Variants in FGF10 observed in about 807,000 individuals in gnomAD.
The protein encoded by FGF10 is fibroblast growth factor 10.
In FGF10, 2 loss-of-function variants were observed where a neutral mutation model predicts 19.8. The observed-to-expected ratio is 0.10, with a 90% CI of 0.04 to 0.32. FGF10 has a LOEUF of 0.32. Among genes scored for constraint, FGF10 ranks in the 10% least tolerant of loss-of-function variants. The pLI is 1.00. For synonymous variants in FGF10, 112 were observed against 94.0 expected (o/e 1.19, Z -1.10); for missense variants, 191 against 246.3 (o/e 0.78, Z 1.50).
intron 1 of FGF10, among the ~76,000 whole-genome samples, chr5:44,338,813 AG>A (rs1270640332): frequency 6.6e-6 from 1 of 152,222 alleles, no homozygotes; most frequent in Non-Finnish European, 1.5e-5. Context: ...CAAAGTCAAA[AG>A]AATGAGACAT....
chr5:44,318,241 G>A (rs1740401310), intron 1 of FGF10, among the ~76,000 whole-genome samples: 1 of 152,158 alleles, frequency 6.6e-6, no homozygotes. Context: ...CGTTAGAAAA[G>A]TCCTGCACAA....
intron 1 of FGF10, among the ~76,000 whole-genome samples, chr5:44,379,973 C>A (rs531924058): frequency 6.6e-6 from 1 of 152,192 alleles, no homozygotes; most frequent in Non-Finnish European, 1.5e-5. Context: ...CTCTAAAACA[C>A]TATTTTTGTT....
At chr5:44,337,448 A>T (rs1288902438) in intron 1 of FGF10, among the ~76,000 whole-genome samples, 1 of 152,194 alleles carries the variant, frequency 6.6e-6, no homozygotes, top group Non-Finnish European at 1.5e-5. Context: ...AATTAGAAAG[A>T]TAAGTATTAA....
intron 1 of FGF10, among the ~76,000 whole-genome samples, chr5:44,360,731 A>G (rs1741461938): frequency 6.6e-6 from 1 of 151,702 alleles, no homozygotes; most frequent in Non-Finnish European, 1.5e-5. Context: ...GTCTCTTTAT[A>G]TGATGCCTGC....
intron 2 of FGF10, among the ~76,000 whole-genome samples, chr5:44,305,614 T>C (rs978832124): frequency 2.0e-5 from 3 of 152,114 alleles, no homozygotes; most frequent in Admixed American, 6.6e-5. Context: ...AGGAAAGATA[T>C]GGGCTTGTCA....
chr5:44,322,226 G>A (rs1740510724), intron 1 of FGF10, among the ~76,000 whole-genome samples: 2 of 152,132 alleles, frequency 1.3e-5, no homozygotes, highest in Admixed American at 1.3e-4. Flanking sequence ...CTATTTGTGT[G>A]ACATATTCAA....
At chr5:44,327,452 A>T (rs1043723834) in intron 1 of FGF10, among the ~76,000 whole-genome samples, 1 of 152,162 alleles carries the variant, frequency 6.6e-6, no homozygotes, top group Non-Finnish European at 1.5e-5. Context: ...ATAACCTTTT[A>T]AAAAAGGTTT....
intron 1 of FGF10, among the ~76,000 whole-genome samples, chr5:44,313,045 T>C (rs1399507127): frequency 6.6e-6 from 1 of 152,096 alleles, no homozygotes; most frequent in Non-Finnish European, 1.5e-5. Flanking sequence ...AACCATTTTT[T>C]TTCCACTTTG....
At chr5:44,378,342 G>A (rs970511592) in intron 1 of FGF10, among the ~76,000 whole-genome samples, 2 of 152,168 alleles carry the variant, frequency 1.3e-5, no homozygotes, top group African/African-American at 4.8e-5. Flanking sequence ...TGCTCAATCT[G>A]TTTCTTCTAC....
At position 44,328,344 on chromosome 5, in the gene FGF10, T is replaced by A. The variant is rs146092730; in HGVS notation, c.326-17814A>T. ...AGACATAAAAACATATAACCAGTTGTTTTCTTTACAAGATACTTATTTATC... is the reference window on the plus strand; with the variant it reads ...AGACATAAAAACATATAACCAGTTGATTTCTTTACAAGATACTTATTTATC... On this transcript the variant is annotated intron_variant, in intron 1 of 2. Coordinates refer to ENST00000264664, the MANE Select transcript of FGF10 (RefSeq NM_004465.2). Among the ~76,000 whole-genome samples, 23 of 152,356 alleles carry A rather than the reference T, an allele frequency of 1.5e-4. No individual in the cohort carries two copies. In the East Asian group the frequency reaches 4.4e-3, roughly 29 times the overall value.
intron 1 of FGF10, among the ~76,000 whole-genome samples, chr5:44,329,406 A>C (rs1740682648): frequency 6.6e-6 from 1 of 151,812 alleles, no homozygotes; most frequent in African/African-American, 2.4e-5. Flanking sequence ...CAAACTTCTG[A>C]CCTCTTGATC....
intron 1 of FGF10, among the ~76,000 whole-genome samples, chr5:44,368,777 C>T (rs1021753656): frequency 1.3e-5 from 2 of 151,956 alleles, no homozygotes; most frequent in Non-Finnish European, 2.9e-5. Flanking sequence ...GGGATCCTCC[C>T]GCCTCAGACT....
intron 1 of FGF10, among the ~76,000 whole-genome samples, chr5:44,319,968 T>C (rs1740445364): frequency 6.6e-6 from 1 of 152,192 alleles, no homozygotes; most frequent in Non-Finnish European, 1.5e-5. Flanking sequence ...CCACAGCTAC[T>C]GCCCATCAGT....
intron 1 of FGF10, among the ~76,000 whole-genome samples, chr5:44,323,279 A>G (rs1042184076): frequency 2.0e-5 from 3 of 152,204 alleles, no homozygotes; most frequent in Non-Finnish European, 4.4e-5. Context: ...TGTGACTACT[A>G]GTAAAGCATG....
intron 1 of FGF10, among the ~76,000 whole-genome samples, chr5:44,350,445 C>G (rs2111820741): frequency 6.6e-6 from 1 of 150,628 alleles, no homozygotes; most frequent in East Asian, 2.0e-4. Context: ...ACAGGTACTT[C>G]TAGGTAGTAG....
At position 44,388,971 on chromosome 5, in the gene FGF10, T is replaced by C; in HGVS notation, c.-289A>G. On this transcript the variant is annotated 5_prime_UTR_variant, in exon 1 of 3. Transcript: ENST00000264664. ...GGAGCTGGTGGTGGCGTTGGTGGTGTTGGTCACCAGCGCTCTTCGCTCCCC... is the reference window on the plus strand; with the variant it reads ...GGAGCTGGTGGTGGCGTTGGTGGTGCTGGTCACCAGCGCTCTTCGCTCCCC... The C allele has an allele frequency of 1.3e-5, 7 of 544,578 alleles. No homozygotes were observed. The South Asian group carries it at 1.4e-4, about 11-fold the overall frequency. 33.7% of individuals were successfully genotyped at this position (544,578 alleles called of 1,614,324 possible). A position where few individuals can be genotyped will look rare whatever the true frequency, so the allele number is the denominator to read the frequency against.
At chr5:44,380,610 C>G (rs1218615183) in intron 1 of FGF10, among the ~76,000 whole-genome samples, 1 of 152,112 alleles carries the variant, frequency 6.6e-6, no homozygotes, top group African/African-American at 2.4e-5. Context: ...AAGTGCCATT[C>G]TGGAAGTTGG....
chr5:44,387,122 T>G (rs889571851), intron 1 of FGF10, among the ~76,000 whole-genome samples: 2 of 152,242 alleles, frequency 1.3e-5, no homozygotes, highest in Non-Finnish European at 2.9e-5. Flanking sequence ...GTCTACTGTC[T>G]TCAGTGTGCC....
At chr5:44,361,185 T>G (rs527440379) in intron 1 of FGF10, among the ~76,000 whole-genome samples, 94 of 151,782 alleles carry the variant, frequency 6.2e-4, no homozygotes, top group Admixed American at 1.6e-3. Flanking sequence ...ATGATGACAA[T>G]CAGAGGGTTT....
Sources: gnomAD v4.1 joint callset for allele counts (sites outside exome capture counted in the v4.1 genomes callset) on GRCh38, gnomAD v4.1.1 for gene constraint, MANE v1.5 for transcripts, NCBI Gene and HGNC (gene_info 2026-07-23, HGNC 2026-07-21) for gene names.